Variants in MIGA1 observed in about 807,000 individuals in gnomAD.
The protein encoded by MIGA1 is mitoguardin 1, also known as family with sequence similarity 73, member A.
In MIGA1, 58 loss-of-function variants were observed where a neutral mutation model predicts 82.0. That is an observed-to-expected ratio of 0.71 (90% CI 0.57 to 0.88). The LOEUF is 0.88. Among genes scored for constraint, MIGA1 ranks in the 40% least tolerant of loss-of-function variants. MIGA1 has a pLI of 0.00. For missense variants in MIGA1, 751 were observed against 749.1 expected, an observed-to-expected ratio of 1.00 and a Z score of -0.03; for synonymous variants, 249 against 253.6, an observed-to-expected ratio of 0.98 and a Z score of 0.17.
At chr1:77,864,402 G>A (rs1685584474) in intron 13 of MIGA1, among the ~76,000 whole-genome samples, 1 of 151,506 alleles carries the variant, frequency 6.6e-6, no homozygotes, top group Admixed American at 6.6e-5. Flanking sequence ...TTGGCCAGGC[G>A]CGGTTGCTCA....
chr1:77,817,521 C>T (rs1199423080), intron 7 of MIGA1, among the ~76,000 whole-genome samples: 1 of 152,168 alleles, frequency 6.6e-6, no homozygotes, highest in African/African-American at 2.4e-5. Flanking sequence ...AGTTCGTTGG[C>T]CTCCTGTTGC....
At chr1:77,798,221 A>G (rs971737538) in intron 2 of MIGA1, among the ~76,000 whole-genome samples, 1 of 152,202 alleles carries the variant, frequency 6.6e-6, no homozygotes, top group Non-Finnish European at 1.5e-5. Context: ...TAGCAGAGCC[A>G]CACTTCCTCT....
chr1:77,783,669 T>C (rs1682019703), intron 2 of MIGA1, among the ~76,000 whole-genome samples: 1 of 152,224 alleles, frequency 6.6e-6, no homozygotes, highest in Non-Finnish European at 1.5e-5. Context: ...TTAAATTTTA[T>C]TGTGGTAAGG....
intron 12 of MIGA1, among the ~76,000 whole-genome samples, chr1:77,863,307 C>G (rs906085653): frequency 2.6e-5 from 4 of 152,228 alleles, no homozygotes; most frequent in Admixed American, 6.5e-5. Context: ...CCTGCTCACT[C>G]CTTTCCTCCC....
intron 7 of MIGA1, among the ~76,000 whole-genome samples, chr1:77,819,585 ATTC>A (rs1683721123): frequency 6.8e-6 from 1 of 147,798 alleles, no homozygotes; most frequent in Admixed American, 6.7e-5. Flanking sequence ...CGCCTGGCCT[ATTC>A]TTTATTTTTT....
At chr1:77,823,739 AT>A (rs768044714) in intron 7 of MIGA1, among the ~76,000 whole-genome samples, 1 of 152,000 alleles carries the variant, frequency 6.6e-6, no homozygotes, top group African/African-American at 2.4e-5. Context: ...TAATTTTTTA[AT>A]TCTTTTGTAG....
chr1:77,875,947 A>G lies in MIGA1; in HGVS notation c.*883A>G, dbSNP rs903446751. The G allele has an allele frequency of 2.6e-5, 4 of 152,160 alleles. No homozygotes were observed. The highest frequency in any genetic ancestry group is 3.2e-3 in the Middle Eastern group (1 of 316). 9.4% of individuals were successfully genotyped at this position (152,160 alleles called of 1,614,324 possible). The stretch of plus-strand genomic sequence containing the variant: ...CAGGTGTTCGAGACCAGCCTCCCCA[A>G]TATGGTGAAACCCCGTCTCTACTAA... On this transcript the variant is annotated 3_prime_UTR_variant, in exon 16 of 16. Transcript: ENST00000370791.
At chr1:77,828,088 G>A (rs1001637366) in intron 7 of MIGA1, among the ~76,000 whole-genome samples, 2 of 151,984 alleles carry the variant, frequency 1.3e-5, no homozygotes, top group Non-Finnish European at 2.9e-5. Flanking sequence ...ATAAAGGTGG[G>A]TGGGGAGGTT....
intron 7 of MIGA1, among the ~76,000 whole-genome samples, chr1:77,817,472 C>T (rs1242506767): frequency 2.0e-5 from 3 of 152,202 alleles, no homozygotes; most frequent in Admixed American, 2.0e-4. Context: ...TGTGCTGTCA[C>T]TGCCTACTAG....
In MIGA1 at chr1:77,877,304, C is replaced by A. The variant is rs1388332853; in HGVS notation, c.*2240C>A. 1 of 152,168 alleles carries A rather than the reference C, an allele frequency of 6.6e-6. No individual in the cohort carries two copies. The highest frequency in any genetic ancestry group is 2.4e-5 in the African/African-American group (1 of 41,448). 9.4% of individuals were successfully genotyped at this position (152,168 alleles called of 1,614,324 possible). On this transcript the variant is annotated 3_prime_UTR_variant, in exon 16 of 16. Transcript: ENST00000370791. ...AACTATAAAATATGGAATTCAGGAT[C>A]ATGCTGTTTTGCATGTACTTTATAG...
chr1:77,827,346 C>T (rs766072548), intron 7 of MIGA1, among the ~76,000 whole-genome samples: 28 of 151,900 alleles, frequency 1.8e-4, no homozygotes, highest in East Asian at 1.5e-3. Context: ...TGTTGACTCA[C>T]GCCTGTAGTC....
chr1:77,817,084 A>G (rs1036944704), intron 7 of MIGA1, among the ~76,000 whole-genome samples: 2 of 151,938 alleles, frequency 1.3e-5, no homozygotes, highest in African/African-American at 4.8e-5. Flanking sequence ...TTGTTCCTTT[A>G]GTCTTGTAAT....
rs919286231 is a variant in MIGA1 at position 77,876,823 on chromosome 1, G to A, written c.*1759G>A. ...AAACAAATGAATTGTTTTTATGGGTGGAGTTCTTCTATAAGAGTATATTAA... is the reference window on the plus strand; with the variant it reads ...AAACAAATGAATTGTTTTTATGGGTAGAGTTCTTCTATAAGAGTATATTAA... On this transcript the variant is annotated 3_prime_UTR_variant, in exon 16 of 16. Transcript: ENST00000370791. 6.6e-6 allele frequency: 1 copy of A among 152,066 alleles called. No homozygotes were observed. The highest frequency in any genetic ancestry group is 1.5e-5 in the Non-Finnish European group (1 of 68,000). The allele number at this position is 152,066 out of a possible 1,614,324, so 9.4% of individuals were successfully genotyped here.
intron 1 of MIGA1, among the ~76,000 whole-genome samples, chr1:77,782,668 G>A (rs781681362): frequency 1.9e-4 from 29 of 151,978 alleles, no homozygotes; most frequent in African/African-American, 4.8e-4. Flanking sequence ...GAAATAATAC[G>A]CATTAAAACT....
intron 8 of MIGA1, chr1:77,847,364 G>T: frequency 9.8e-7 from 1 of 1,020,538 alleles, no homozygotes; most frequent in South Asian, 1.3e-5. Context: ...AGGAAAAAAA[G>T]GAGGAAAACA....
At position 77,877,573 on chromosome 1, in the gene MIGA1, A is replaced by C. The variant is rs1646903875; in HGVS notation, c.*2509A>C. The stretch of plus-strand genomic sequence containing the variant: ...CACACACATGTGTGCGTGCACGTGC[A>C]TTTCATTACCATGTAGACAAGACAG... On this transcript the variant is annotated 3_prime_UTR_variant, in exon 16 of 16. Coordinates refer to ENST00000370791, the MANE Select transcript of MIGA1 (RefSeq NM_198549.4). 1 of 152,600 alleles carries C rather than the reference A, an allele frequency of 6.6e-6. No homozygotes were observed. The highest frequency in any genetic ancestry group is 2.4e-5 in the African/African-American group (1 of 41,450). The allele number at this position is 152,600 out of a possible 1,614,324, so 9.5% of individuals were successfully genotyped here.
intron 2 of MIGA1, among the ~76,000 whole-genome samples, chr1:77,785,600 C>T (rs1288302882): frequency 1.3e-5 from 2 of 152,136 alleles, no homozygotes; most frequent in Non-Finnish European, 2.9e-5. Context: ...GCCTTGGCCT[C>T]CCAAAGTACT....
At chr1:77,784,675 T>C (rs1207715991) in intron 2 of MIGA1, among the ~76,000 whole-genome samples, 1 of 152,228 alleles carries the variant, frequency 6.6e-6, no homozygotes, top group African/African-American at 2.4e-5. Flanking sequence ...TCATTGATAG[T>C]AGCCATCCTA....
At position 77,864,177 on chromosome 1, in the gene MIGA1, A is replaced by G. The variant is rs565535088; in HGVS notation, c.1509+149A>G. ...GGAGTTTGAGACCAGCCTGGCCAAC[A>G]TGGTGAAACCCCATCTCTACTAAAA... On this transcript the variant is annotated intron_variant, in intron 13 of 15. Transcript: ENST00000370791. 13 of 680,994 alleles carry G rather than the reference A, an allele frequency of 1.9e-5. No individual in the cohort carries two copies. The East Asian group carries it at 4.2e-4, about 22-fold the overall frequency. 42.2% of individuals were successfully genotyped at this position (680,994 alleles called of 1,614,324 possible). A position where few individuals can be genotyped will look rare whatever the true frequency, so the allele number is the denominator to read the frequency against.
Sources: allele counts gnomAD v4.1 joint callset (sites outside exome capture counted in the v4.1 genomes callset), GRCh38; gene constraint gnomAD v4.1.1; transcripts MANE v1.5; gene names NCBI Gene and HGNC (gene_info 2026-07-23, HGNC 2026-07-21).